The following CCDC149 variants were observed in gnomAD, a reference collection of about 807,000 sequenced individuals.
The protein encoded by CCDC149 is coiled-coil domain containing 149, also known as coiled-coil domain-containing protein 149.
In CCDC149, 45 loss-of-function variants were observed where a neutral mutation model predicts 59.9. That is an observed-to-expected ratio of 0.75 (90% CI 0.59 to 0.96). The LOEUF is 0.96. Among genes scored for constraint, CCDC149 ranks in the 40% least tolerant of loss-of-function variants. The probability of loss-of-function intolerance (pLI) is 0.00; values close to 1 mark genes in which losing one functional copy is unlikely to be tolerated. For missense variants in CCDC149, 584 were observed against 664.7 expected, an observed-to-expected ratio of 0.88 and a Z score of 1.33; for synonymous variants, 245 against 260.6, an observed-to-expected ratio of 0.94 and a Z score of 0.58.
chr4:24,921,925 A>C (rs1722305382), intron 1 of CCDC149, among the ~76,000 whole-genome samples: 1 of 152,150 alleles, frequency 6.6e-6, no homozygotes, highest in African/African-American at 2.4e-5. Flanking sequence ...GGGGTGTTTA[A>C]ATAGCAGAAC....
chr4:24,943,585 G>C (rs2109350004), intron 1 of CCDC149, among the ~76,000 whole-genome samples: 1 of 152,302 alleles, frequency 6.6e-6, no homozygotes, highest in South Asian at 2.1e-4. Flanking sequence ...TGCAACTAAA[G>C]AGCTTCTGCA....
chr4:24,819,906 A>G lies in CCDC149; in HGVS notation c.1145T>C (p.Leu382Pro). 6.4e-7 allele frequency: 1 copy of G among 1,551,648 alleles called. No individual in the cohort carries two copies. The highest frequency in any genetic ancestry group is 1.2e-5 in the South Asian group (1 of 84,048). The change falls in exon 12 of 13, where the codon CTG (leucine) becomes CCG (proline). Residue 382 changes from leucine (L) to proline (P), a missense_variant. Transcript: ENST00000635206. ...CTCAGTGGGCTGCTCGACAAACTTCAGCAGTGGGGATCTCGACCTCTGTCC... is the reference window on the plus strand; with the variant it reads ...CTCAGTGGGCTGCTCGACAAACTTCGGCAGTGGGGATCTCGACCTCTGTCC...
In CCDC149 at chr4:24,940,660, G is replaced by T. The variant is rs1312295109; in HGVS notation, c.-65+39409C>A. Among the ~76,000 whole-genome samples, 4 of 152,286 alleles carry T rather than the reference G, an allele frequency of 2.6e-5. No individual in the cohort carries two copies. In the East Asian group the frequency reaches 7.7e-4, roughly 29 times the overall value. ...TATATTCAGGAAACCCATCTCACATGCAGAGACACACATAGGCTCAAAATA... is the reference window on the plus strand; with the variant it reads ...TATATTCAGGAAACCCATCTCACATTCAGAGACACACATAGGCTCAAAATA... On this transcript the variant is annotated intron_variant, in intron 1 of 12. Coordinates refer to the CCDC149 transcript ENST00000389609.
intron 9 of CCDC149, chr4:24,827,884 T>C (rs1046662722): frequency 1.9e-4 from 29 of 152,202 alleles, no homozygotes; most frequent in African/African-American, 6.8e-4. Context: ...TCTTTTCTTT[T>C]TAAAATTAAT....
At chr4:24,898,424 C>T (rs3857120) in intron 1 of CCDC149, among the ~76,000 whole-genome samples, 63,458 of 151,900 alleles carry the variant, frequency 0.42, 15,275 homozygotes, top group Non-Finnish European at 0.55. Flanking sequence ...CAACTTGAGC[C>T]GGGAAGCTGG....
chr4:24,943,539 T>A (rs1331928620), intron 1 of CCDC149, among the ~76,000 whole-genome samples: 3 of 152,116 alleles, frequency 2.0e-5, no homozygotes, highest in Non-Finnish European at 2.9e-5. Flanking sequence ...CCAAAAGCAA[T>A]GGCAACAAAA....
chr4:24,820,265 A>G, intron 11 of CCDC149: 1 of 311,522 alleles, frequency 3.2e-6, no homozygotes, highest in South Asian at 5.1e-5. Flanking sequence ...TTGCTTCCCT[A>G]AGTGGACCGC....
chr4:24,907,347 C>T (rs1017519884), intron 1 of CCDC149, among the ~76,000 whole-genome samples: 2 of 152,140 alleles, frequency 1.3e-5, no homozygotes, highest in African/African-American at 4.8e-5. Context: ...TCTCCCTCTT[C>T]GAAAAGAAGC....
At chr4:24,887,208 C>T (rs1330841238) in intron 1 of CCDC149, among the ~76,000 whole-genome samples, 13 of 139,436 alleles carry the variant, frequency 9.3e-5, no homozygotes, top group Admixed American at 9.2e-4. Flanking sequence ...TGACATACTA[C>T]ATTACTATTT....
intron 1 of CCDC149, among the ~76,000 whole-genome samples, chr4:24,950,532 G>A (rs1723253957): frequency 6.6e-6 from 1 of 152,190 alleles, no homozygotes; most frequent in Non-Finnish European, 1.5e-5. Flanking sequence ...TGGAAGGGGA[G>A]TGGAGAATCC....
chr4:24,970,919 G>T (rs567671539), intron 1 of CCDC149, among the ~76,000 whole-genome samples: 28 of 152,276 alleles, frequency 1.8e-4, no homozygotes, highest in Non-Finnish European at 4.0e-4. Context: ...TGCTCTTGCA[G>T]AGCACACCAC....
chr4:24,809,016 G>C (rs1206507166), intron 12 of CCDC149, among the ~76,000 whole-genome samples, 197 bp from the exon 13 acceptor site: 2 of 152,202 alleles, frequency 1.3e-5, no homozygotes, highest in African/African-American at 2.4e-5. Context: ...ATGCATTCTA[G>C]TGATTCCTGC....
chr4:24,819,344 C>T (rs759034667), intron 12 of CCDC149, among the ~76,000 whole-genome samples: 24 of 152,160 alleles, frequency 1.6e-4, no homozygotes, highest in African/African-American at 3.9e-4. Flanking sequence ...TTTTTTGAGA[C>T]GGAGTCTTGC....
intron 1 of CCDC149, among the ~76,000 whole-genome samples, chr4:24,907,027 A>T (rs1310149678): frequency 6.6e-6 from 1 of 152,210 alleles, no homozygotes; most frequent in Non-Finnish European, 1.5e-5. Context: ...AAATTCAGGG[A>T]AAGGGAGTGG....
At chr4:24,906,400 A>ATTTTG (rs11333679) in intron 1 of CCDC149, among the ~76,000 whole-genome samples, 1,498 of 38,940 alleles carry the variant, frequency 0.038, 101 homozygotes, top group Admixed American at 0.28. Context: ...ATTTTATTTT[A>ATTTTG]TTTTATTTTA....
In CCDC149 at chr4:24,838,206, C is replaced by T; in HGVS notation, c.439G>A (p.Ala147Thr). ...TGCACCAAGTCTTCACGCTCATGGG[C>T]TGCAAAGTGTCGCACGCCGATTGCT... The change falls in exon 5 of 13, where the codon GCC becomes ACC. Residue 147 changes from alanine to threonine, a missense_variant. Transcript: ENST00000635206. 1 of 1,614,166 alleles carries T rather than the reference C, an allele frequency of 6.2e-7. No individual in the cohort carries two copies. The highest frequency in any genetic ancestry group is 8.5e-7 in the Non-Finnish European group (1 of 1,180,024).
chr4:24,837,545 C>T lies in CCDC149; in HGVS notation c.490-145G>A. The T allele has an allele frequency of 1.5e-6, 1 of 670,532 alleles. No homozygotes were observed. Among genetic ancestry groups the T allele is most frequent in the Non-Finnish European group, 2.5e-6 (1 of 397,398 alleles). 41.5% of individuals were successfully genotyped at this position (670,532 alleles called of 1,614,324 possible). On this transcript the variant is annotated intron_variant, in intron 5 of 12. Transcript: ENST00000635206. This position sits in a 1 kb window ranked among gnomAD's most constrained non-coding sequence, Gnocchi z 4.3. ...GCCCTAAAGCCATAAGCGCCACACA[C>T]TGAAATACAATAACAGCTAAAAGCG...
At chr4:24,834,332 C>T (rs542208156) in intron 8 of CCDC149, among the ~76,000 whole-genome samples, 19 of 152,176 alleles carry the variant, frequency 1.2e-4, no homozygotes, top group African/African-American at 4.1e-4. Flanking sequence ...CAGAAGCCAG[C>T]GTGCTGCTAT....
At chr4:24,836,937 T>C (rs553699395) in intron 6 of CCDC149, among the ~76,000 whole-genome samples, 2 of 152,320 alleles carry the variant, frequency 1.3e-5, no homozygotes, top group East Asian at 3.9e-4. Flanking sequence ...TTCTTTCTCC[T>C]TGATGGCAAT....
Sources: gnomAD v4.1 joint callset for allele counts (sites outside exome capture counted in the v4.1 genomes callset) on GRCh38, gnomAD v4.1.1 for gene constraint, Gnocchi (gnomAD v3.1) non-coding constraint, MANE v1.5 for transcripts, NCBI Gene and HGNC (gene_info 2026-07-23, HGNC 2026-07-21) for gene names.